The following RAB3IP variants were observed in gnomAD, a reference collection of about 807,000 sequenced individuals.
The protein encoded by RAB3IP is RAB3A interacting protein.
In RAB3IP, 36 loss-of-function variants were observed where a neutral mutation model predicts 59.1. The ratio of observed to expected loss-of-function variants is 0.61; its 90% CI spans 0.47 to 0.80. The LOEUF is 0.80. RAB3IP is among the 30% of genes least tolerant of loss of function. RAB3IP has a pLI of 0.00. For missense variants in RAB3IP, 511 were observed against 536.0 expected, an observed-to-expected ratio of 0.95 and a Z score of 0.46; for synonymous variants, 207 against 191.2, an observed-to-expected ratio of 1.08 and a Z score of -0.68.
At chr12:69,767,644 G>T (rs769254693) in intron 3 of RAB3IP, among the ~76,000 whole-genome samples, 2 of 152,220 alleles carry the variant, frequency 1.3e-5, no homozygotes, top group African/African-American at 4.8e-5. Flanking sequence ...TGCTCCAGGT[G>T]CCTGGAGGTC....
chr12:69,779,292 A>C (rs1457187065), intron 3 of RAB3IP: 7 of 142,324 alleles, frequency 4.9e-5, no homozygotes, highest in East Asian at 2.1e-4. Context: ...GTGCGCACAC[A>C]CACTGGCCTG....
chr12:69,751,669 T>C (rs1371665553), intron 1 of RAB3IP, among the ~76,000 whole-genome samples: 3 of 152,158 alleles, frequency 2.0e-5, no homozygotes, highest in Admixed American at 6.5e-5. Context: ...ATTACTACTG[T>C]TATTAACATT....
intron 3 of RAB3IP, among the ~76,000 whole-genome samples, chr12:69,759,904 C>T (rs1285023170): frequency 6.6e-6 from 1 of 151,646 alleles, no homozygotes; most frequent in Non-Finnish European, 1.5e-5. Context: ...GGGGTCGCGG[C>T]TGGACAGAGG....
chr12:69,811,002 G>T (rs899291818), intron 8 of RAB3IP, among the ~76,000 whole-genome samples: 2 of 152,098 alleles, frequency 1.3e-5, no homozygotes, highest in Non-Finnish European at 2.9e-5. Flanking sequence ...AAATAGCTTA[G>T]AAATGAGATC....
chr12:69,795,311 T>C lies in RAB3IP; in HGVS notation c.855T>C (p.Ser285=). ...SAMSGSHQDL[S]VIQPIVKDCK... ...TGAGTGGCAGTCATCAGGACCTCAG[T>C]GTGATACAGCCAATTGTAAAAGACT... is the stretch of plus-strand genomic sequence containing the variant. The change falls in exon 6 of 11, where the codon AGT becomes AGC. Residue 285 remains serine (S), a synonymous_variant. Transcript: ENST00000247833. The C allele has an allele frequency of 6.2e-7, 1 of 1,614,016 alleles. No individual in the cohort carries two copies. Among genetic ancestry groups the C allele is most frequent in the Non-Finnish European group, 8.5e-7 (1 of 1,179,920 alleles).
rs770862740 is a variant in RAB3IP at position 69,784,767 on chromosome 12, A to G, written c.558A>G (p.Arg186=). The G allele has an allele frequency of 5.6e-6, 9 of 1,610,450 alleles. No homozygotes were observed. Among genetic ancestry groups the G allele is most frequent in the South Asian group, 1.1e-5 (1 of 90,650 alleles). ...DEECERLSKV[R]DQLGQELEEL... ...AATGTGAGAGGCTTTCAAAAGTGCGAGATCAACTTGGACAGGAATTGGAAG... is the reference window on the plus strand; with the variant it reads ...AATGTGAGAGGCTTTCAAAAGTGCGGGATCAACTTGGACAGGAATTGGAAG... Residue 186 remains arginine, a synonymous_variant, in exon 4 of 11, where the codon CGA becomes CGG. Coordinates refer to ENST00000247833, the MANE Select transcript of RAB3IP (RefSeq NM_022456.5).
intron 3 of RAB3IP, among the ~76,000 whole-genome samples, chr12:69,784,291 CT>C (rs1376822838): frequency 2.0e-5 from 3 of 151,620 alleles, no homozygotes; most frequent in African/African-American, 7.3e-5. Flanking sequence ...ATGAAGTTAC[CT>C]ATAAGTAAAT....
chr12:69,812,867 G>C lies in RAB3IP; in HGVS notation c.1220G>C (p.Cys407Ser). The C allele has an allele frequency of 6.2e-7, 1 of 1,610,602 alleles. No homozygotes were observed. Among genetic ancestry groups the C allele is most frequent in the Non-Finnish European group, 8.5e-7 (1 of 1,176,890 alleles). The change falls in exon 9 of 11, where the codon TGC (cysteine) becomes TCC (serine). Residue 407 changes from cysteine to serine, a missense_variant. Coordinates refer to ENST00000247833, the MANE Select transcript of RAB3IP (RefSeq NM_022456.5). ...SSNYYYISPF[C>S]RYRITSVCNF... ...AACTATTATTATATTTCTCCTTTTT[G>C]CAGATACAGGGTAAGTGACTTAACC...
Position 69,817,150 on chromosome 12 carries a change from T to C in RAB3IP, c.*1704T>C, listed in dbSNP as rs1881215159. The C allele has an allele frequency of 6.6e-6, 1 of 152,026 alleles. No homozygotes were observed. The highest frequency in any genetic ancestry group is 2.4e-5 in the African/African-American group (1 of 41,390). The allele number at this position is 152,026 out of a possible 1,614,324, so 9.4% of individuals were successfully genotyped here. On this transcript the variant is annotated 3_prime_UTR_variant, in exon 11 of 11. Coordinates refer to ENST00000247833, the MANE Select transcript of RAB3IP (RefSeq NM_022456.5). ...ACTGTACGGTTTGAAAGAAAGGTAATCAAATACTCAGAAAAAGTTTGTTGA... is the reference window on the plus strand; with the variant it reads ...ACTGTACGGTTTGAAAGAAAGGTAACCAAATACTCAGAAAAAGTTTGTTGA...
intron 3 of RAB3IP, among the ~76,000 whole-genome samples, chr12:69,759,561 C>A (rs1265509181): frequency 1.3e-5 from 2 of 150,982 alleles, no homozygotes; most frequent in Non-Finnish European, 3.0e-5. Context: ...AAGGGGCGGC[C>A]GGGCAGAGGC....
chr12:69,780,755 T>A (rs139024208), intron 3 of RAB3IP, among the ~76,000 whole-genome samples: 1 of 151,918 alleles, frequency 6.6e-6, no homozygotes, highest in Non-Finnish European at 1.5e-5. Flanking sequence ...CCAATGTCAG[T>A]GGGCAGATGA....
At position 69,817,488 on chromosome 12, in the gene RAB3IP, A is replaced by G. The variant is rs1881250396; in HGVS notation, c.*2042A>G. ...AGATAACCATAAAAGAATATAAGTT[A>G]TGGTATATTATAAATTCTTAATTTA... On this transcript the variant is annotated 3_prime_UTR_variant, in exon 11 of 11. Transcript: ENST00000247833. 6.6e-6 allele frequency: 1 copy of G among 151,968 alleles called. No individual in the cohort carries two copies. The highest frequency in any genetic ancestry group is 2.4e-5 in the African/African-American group (1 of 41,412). The allele number at this position is 151,968 out of a possible 1,614,324, so 9.4% of individuals were successfully genotyped here.
chr12:69,795,161 A>G lies in RAB3IP; in HGVS notation c.705A>G (p.Glu235=), dbSNP rs113993247. Residue 235 remains glutamate, a synonymous_variant, in exon 6 of 11, where the codon GAA becomes GAG. Coordinates refer to ENST00000247833, the MANE Select transcript of RAB3IP (RefSeq NM_022456.5). ...AQGKIDVLQA[E]VAALKTLVLS... ...CCAAGATTGATGTACTTCAAGCTGAAGTAGCTGCATTGAAGACACTTGTAT... is the reference window on the plus strand; with the variant it reads ...CCAAGATTGATGTACTTCAAGCTGAGGTAGCTGCATTGAAGACACTTGTAT... 64 of 1,613,754 alleles carry G rather than the reference A, an allele frequency of 4.0e-5. No individual in the cohort carries two copies. In the African/African-American group the frequency reaches 6.3e-4, roughly 16 times the overall value.
chr12:69,812,712 C>A, intron 8 of RAB3IP, 66 bp from the exon 9 acceptor site: 4 of 1,061,958 alleles, frequency 3.8e-6, no homozygotes, highest in Non-Finnish European at 5.6e-6. Context: ...GAATAGGCAA[C>A]TTGTACAGAA....
At chr12:69,797,512 ATCTT>A (rs1473924933) in intron 6 of RAB3IP, among the ~76,000 whole-genome samples, 5 of 46,780 alleles carry the variant, frequency 1.1e-4, no homozygotes, top group Non-Finnish European at 1.8e-4. Context: ...ATAAATTTGC[ATCTT>A]TCTTTTTTTT....
intron 8 of RAB3IP, among the ~76,000 whole-genome samples, chr12:69,807,758 C>T (rs186997570): frequency 7.1e-5 from 10 of 141,268 alleles, no homozygotes; most frequent in South Asian, 2.3e-4. Flanking sequence ...CCAGATGGGG[C>T]GGCTGGGCAG....
chr12:69,739,691 C>CG (rs3215054), intron 1 of RAB3IP: 1 of 713,952 alleles, frequency 1.4e-6, no homozygotes, highest in Non-Finnish European at 2.4e-6. Context: ...GACTTGTGTT[C>CG]GGGGGAGTTG....
intron 3 of RAB3IP, among the ~76,000 whole-genome samples, chr12:69,779,902 G>T (rs1874378365): frequency 6.6e-6 from 1 of 152,114 alleles, no homozygotes; most frequent in African/African-American, 2.4e-5. Flanking sequence ...GAATGCTTGT[G>T]GATGTACACT....
chr12:69,813,028 A>G lies in RAB3IP; in HGVS notation c.1295A>G (p.Gln432Arg). The G allele has an allele frequency of 6.2e-7, 1 of 1,609,368 alleles. No individual in the cohort carries two copies. Among genetic ancestry groups the G allele is most frequent in the African/African-American group, 1.3e-5 (1 of 74,900 alleles). ...RYIQQGLVKQ[Q>R]DVDQMFWEVM... ...ATTCAGCAGGGACTCGTGAAACAGC[A>G]GGATGGTGAGTGTTCTTGATTCAAT... Residue 432 changes from glutamine (Q) to arginine (R), a missense_variant, in exon 10 of 11, where the codon CAG becomes CGG. Gln to Arg is a conservative substitution (Grantham distance 43). Coordinates refer to ENST00000247833, the MANE Select transcript of RAB3IP (RefSeq NM_022456.5).
Sources: gnomAD v4.1 joint callset for allele counts (sites outside exome capture counted in the v4.1 genomes callset) on GRCh38, gnomAD v4.1.1 for gene constraint, MANE v1.5 for transcripts, NCBI Gene and HGNC (gene_info 2026-07-23, HGNC 2026-07-21) for gene names.